Variants in SAMHD1 observed in about 807,000 individuals in gnomAD.
The protein encoded by SAMHD1 is SAM and HD domain containing deoxynucleoside triphosphate triphosphohydrolase 1, also known as deoxynucleoside triphosphate triphosphohydrolase SAMHD1.
SAMHD1 carries 54 observed loss-of-function variants against 79.6 expected under a neutral mutation model. The observed-to-expected ratio is 0.68, with a 90% confidence interval of 0.55 to 0.85. SAMHD1 has a LOEUF of 0.85. SAMHD1 is among the 40% of genes least tolerant of loss of function. The pLI is 0.00. For missense variants in SAMHD1, 663 were observed against 782.7 expected, an observed-to-expected ratio of 0.85 and a Z score of 1.82; for synonymous variants, 260 against 264.1, an observed-to-expected ratio of 0.98 and a Z score of 0.15.
intron 4 of SAMHD1, among the ~76,000 whole-genome samples, chr20:36,932,373 A>G (rs2063573021): frequency 7.6e-6 from 1 of 132,158 alleles, no homozygotes; most frequent in African/African-American, 2.7e-5. Context: ...AAAAAAAAAA[A>G]GTAGAATGGT....
In SAMHD1 at chr20:36,951,607, G is replaced by A. The variant is rs754098987; in HGVS notation, c.37C>T (p.Pro13Ser). ...GTTCTCGGGCTGTCATCGCAACGGGGACGCTTGGAGGGCTGCTCGGAATCG... is the reference window on the plus strand; with the variant it reads ...GTTCTCGGGCTGTCATCGCAACGGGAACGCTTGGAGGGCTGCTCGGAATCG... ...RADSEQPSKR[P>S]RCDDSPRTPS... is the part of the protein sequence containing the mutation. The change falls in exon 1 of 16, where the codon CCC (proline) becomes TCC (serine). Residue 13 changes from proline (P) to serine (S), a missense_variant. Pro to Ser is a moderately conservative substitution (Grantham distance 74). Transcript: ENST00000646673. The A allele has an allele frequency of 6.2e-7, 1 of 1,614,090 alleles. No individual in the cohort carries two copies. The highest frequency in any genetic ancestry group is 8.5e-7 in the Non-Finnish European group (1 of 1,179,990).
At chr20:36,936,232 T>C (rs965620226) in intron 3 of SAMHD1, among the ~76,000 whole-genome samples, 3 of 151,898 alleles carry the variant, frequency 2.0e-5, no homozygotes, top group African/African-American at 4.8e-5. Context: ...AGAGAGAAAC[T>C]CTGTCTCAAA....
intron 6 of SAMHD1, among the ~76,000 whole-genome samples, chr20:36,925,834 T>G (rs2063532739): frequency 2.0e-5 from 3 of 152,184 alleles, no homozygotes; most frequent in Admixed American, 2.0e-4. Flanking sequence ...TTGATGAGGC[T>G]GTAAAACAAC....
In SAMHD1 at chr20:36,950,630, A is replaced by G. The variant is rs543792909; in HGVS notation, c.208+806T>C. ...AATATGATTAAAACTCAACCTAAAC[A>G]CTTCTCCAGGGGATGTGGCCAAACT... On this transcript the variant is annotated intron_variant, in intron 1 of 15. Coordinates refer to ENST00000646673, the MANE Select transcript of SAMHD1 (RefSeq NM_015474.4). Among the ~76,000 whole-genome samples, 24 of 152,190 alleles carry G rather than the reference A, an allele frequency of 1.6e-4. No individual in the cohort carries two copies. The South Asian group carries it at 4.8e-3, about 30-fold the overall frequency.
chr20:36,891,114 A>C lies in SAMHD1; in HGVS notation c.*1818T>G, dbSNP rs1235400910. ...GGCTGACCTCACTTGTGCGTTGCTG[A>C]GCCCATATGTGAACAAATCCCCTTG... On this transcript the variant is annotated 3_prime_UTR_variant, in exon 16 of 16. Coordinates refer to ENST00000646673, the MANE Select transcript of SAMHD1 (RefSeq NM_015474.4). 1 of 152,252 alleles carries C rather than the reference A, an allele frequency of 6.6e-6. No homozygotes were observed. The highest frequency in any genetic ancestry group is 1.5e-5 in the Non-Finnish European group (1 of 68,056). The allele number at this position is 152,252 out of a possible 1,614,324, so 9.4% of individuals were successfully genotyped here.
chr20:36,943,525 C>A (rs1268571453), intron 2 of SAMHD1, among the ~76,000 whole-genome samples: 1 of 152,016 alleles, frequency 6.6e-6, no homozygotes, highest in Non-Finnish European at 1.5e-5. Flanking sequence ...TGGAACACTG[C>A]AATATAGTGT....
chr20:36,917,974 T>C (rs1935919), intron 7 of SAMHD1, among the ~76,000 whole-genome samples: 126,012 of 152,072 alleles, frequency 0.83, 52,591 homozygotes, highest in East Asian at 0.99. Flanking sequence ...TCCATTGAAC[T>C]GGTTCAACTT....
intron 8 of SAMHD1, 34 bp downstream of exon 8, chr20:36,916,915 T>C (rs574353153): frequency 5.7e-6 from 9 of 1,578,826 alleles, no homozygotes; most frequent in Admixed American, 5.0e-5. Context: ...ATATAAATAT[T>C]TTAGCCAACT....
At chr20:36,911,657 C>T (rs982337273) in intron 10 of SAMHD1, 1 of 258,302 alleles carries the variant, frequency 3.9e-6, no homozygotes, top group Non-Finnish European at 7.6e-6. Flanking sequence ...GAAACAGTGC[C>T]AGGCTTTGAA....
chr20:36,907,698 C>T (rs1055895584), intron 11 of SAMHD1, among the ~76,000 whole-genome samples: 8 of 151,174 alleles, frequency 5.3e-5, no homozygotes, highest in African/African-American at 1.5e-4. Context: ...AGGCTGGTCT[C>T]GAACTCCTGA....
rs750326939 is a variant in SAMHD1 at position 36,892,914 on chromosome 20, A to T, written c.*18T>A. 7 of 1,613,928 alleles carry T rather than the reference A, an allele frequency of 4.3e-6. No homozygotes were observed. The Admixed American group carries it at 1.2e-4, about 27-fold the overall frequency. On this transcript the variant is annotated 3_prime_UTR_variant, in exon 16 of 16. Coordinates refer to ENST00000646673, the MANE Select transcript of SAMHD1 (RefSeq NM_015474.4). ...ATTGTGCAGGAGAGGGAGTTTGTAAACAACTGACTACAGACATTCACATTG... is the reference window on the plus strand; with the variant it reads ...ATTGTGCAGGAGAGGGAGTTTGTAATCAACTGACTACAGACATTCACATTG...
In SAMHD1 at chr20:36,932,487, G is replaced by A. The variant is rs548565236; in HGVS notation, c.510-1612C>T. Among the ~76,000 whole-genome samples, 214 of 125,108 alleles carry A rather than the reference G, an allele frequency of 1.7e-3. 1 individual carries two copies. Among genetic ancestry groups the A allele is most frequent in the African/African-American group, 6.2e-3 (197 of 31,522 alleles). The allele number at this position is 125,108 out of a possible 152,430, so 82.1% of individuals were successfully genotyped here. ...TTTTTTTTTTTTGAGATGGAGTCTC[G>A]CTGTGTTGCCCAGGCTGGAGTGCAC... is the stretch of plus-strand genomic sequence containing the variant. On this transcript the variant is annotated intron_variant, in intron 4 of 15. Transcript: ENST00000646673.
chr20:36,948,130 G>A (rs1018776318), intron 1 of SAMHD1, among the ~76,000 whole-genome samples: 2 of 152,068 alleles, frequency 1.3e-5, no homozygotes, highest in Non-Finnish European at 2.9e-5. Context: ...TCGGTAAAAT[G>A]TGTTGAGTGT....
rs2063688866 is a variant in SAMHD1 at position 36,946,723 on chromosome 20, T to G, written c.275+15A>C. On this transcript the variant is annotated intron_variant, in intron 2 of 15. Transcript: ENST00000646673. The stretch of plus-strand genomic sequence containing the variant: ...TGTGTTTGGTTATAACGTGAATTTA[T>G]TTCTTCATTCTTACCTTACTCCAAG... 1 of 1,599,596 alleles carries G rather than the reference T, an allele frequency of 6.3e-7. No individual in the cohort carries two copies. The highest frequency in any genetic ancestry group is 1.7e-5 in the Admixed American group (1 of 59,494).
At chr20:36,900,093 CA>C (rs376368527) in intron 13 of SAMHD1, among the ~76,000 whole-genome samples, 6,428 of 108,666 alleles carry the variant, frequency 0.059, 178 homozygotes, top group South Asian at 0.17. Flanking sequence ...GACTCCGTCT[CA>C]AAAAAAAAAA....
chr20:36,897,960 CT>C lies in SAMHD1; in HGVS notation c.1609-2del. On this transcript the variant is annotated splice_acceptor_variant, in intron 14 of 15. Coordinates refer to ENST00000646673, the MANE Select transcript of SAMHD1 (RefSeq NM_015474.4). LOFTEE classifies it high-confidence loss of function. ...ATTTCTCTGGCAGAAGTTGTGAAAC[CT>C]TTTTAAAATGAAGAGATTTCACTAT... 1.2e-6 allele frequency: 2 copies of C among 1,614,068 alleles called. No homozygotes were observed. Among genetic ancestry groups the C allele is most frequent in the Non-Finnish European group, 1.7e-6 (2 of 1,180,014 alleles).
chr20:36,899,472 C>T (rs1450616549), intron 13 of SAMHD1, among the ~76,000 whole-genome samples: 1 of 152,036 alleles, frequency 6.6e-6, no homozygotes, highest in Non-Finnish European at 1.5e-5. Flanking sequence ...ACAAACCAGG[C>T]AGCCCTAGAT....
chr20:36,933,474 G>T (rs1365217370), intron 4 of SAMHD1, among the ~76,000 whole-genome samples: 1 of 152,016 alleles, frequency 6.6e-6, no homozygotes, highest in Admixed American at 6.6e-5. Flanking sequence ...AGTTGTATCA[G>T]CAACCGACCC....
intron 5 of SAMHD1, among the ~76,000 whole-genome samples, chr20:36,928,018 A>G (rs2063546725): frequency 6.6e-6 from 1 of 152,186 alleles, no homozygotes; most frequent in African/African-American, 2.4e-5. Flanking sequence ...CTGTGTAACT[A>G]AAAAGAATGT....
Sources: gnomAD v4.1 joint callset for allele counts (sites outside exome capture counted in the v4.1 genomes callset) on GRCh38, gnomAD v4.1.1 for gene constraint, MANE v1.5 for transcripts, NCBI Gene and HGNC (gene_info 2026-07-23, HGNC 2026-07-21) for gene names.